RPTOR: variants seen among roughly 807,000 people sequenced by gnomAD.
RPTOR encodes the protein regulatory associated protein of MTOR complex 1.
In RPTOR, 21 loss-of-function variants were observed where a neutral mutation model predicts 169.9. The observed-to-expected ratio is 0.12, with a 90% CI of 0.09 to 0.18. The LOEUF (loss-of-function observed/expected upper bound fraction) is 0.18, where lower values mean the gene tolerates loss of function less well. Among genes scored for constraint, RPTOR ranks in the 10% least tolerant of loss-of-function variants. The pLI is 1.00. For missense variants in RPTOR, 1,133 were observed against 1,855.9 expected (o/e 0.61, Z 7.16); for synonymous variants, 732 against 753.2 (o/e 0.97, Z 0.46).
chr17:80,787,386 C>T (rs1378175562), intron 6 of RPTOR, among the ~76,000 whole-genome samples: 4 of 152,214 alleles, frequency 2.6e-5, no homozygotes, highest in Admixed American at 2.0e-4. Context: ...CCTTAATGGA[C>T]ACTTGAGCTT....
chr17:80,845,968 C>T lies in RPTOR; in HGVS notation c.1213-505C>T, dbSNP rs555031938. Among the ~76,000 whole-genome samples the T allele has an allele frequency of 3.3e-5, 5 of 152,214 alleles. No individual in the cohort carries two copies. The highest frequency in any genetic ancestry group is 7.2e-5 in the African/African-American group (3 of 41,450). On this transcript the variant is annotated intron_variant, in intron 10 of 33. Coordinates refer to ENST00000306801, the MANE Select transcript of RPTOR (RefSeq NM_020761.3). The surrounding 1 kb of genome is among the most constrained non-coding windows in gnomAD (Gnocchi z 5.4). ...TGCCGGGCCCTCACCGGCCCCAGCGCGGCCCCAGCTCATCTCCTTGGTCTC... is the reference window on the plus strand; with the variant it reads ...TGCCGGGCCCTCACCGGCCCCAGCGTGGCCCCAGCTCATCTCCTTGGTCTC...
At chr17:80,895,488 G>T (rs1317650576) in intron 20 of RPTOR, among the ~76,000 whole-genome samples, 1 of 152,238 alleles carries the variant, frequency 6.6e-6, no homozygotes, top group Non-Finnish European at 1.5e-5. Context: ...CGCACGTGCA[G>T]GAACCCAGCC....
chr17:80,725,369 A>G (rs759326645), intron 4 of RPTOR, among the ~76,000 whole-genome samples: 12 of 152,262 alleles, frequency 7.9e-5, no homozygotes, highest in Non-Finnish European at 1.2e-4. Flanking sequence ...TTTGAAAAGA[A>G]AACATGGCCT....
chr17:80,876,970 G>T, intron 13 of RPTOR, among the ~76,000 whole-genome samples: 1 of 143,346 alleles, frequency 7.0e-6, no homozygotes, highest in Admixed American at 6.9e-5. Flanking sequence ...TCGCCTGCCG[G>T]GTCTTCCACC....
rs1012136737 is a variant in RPTOR, at chr17:80,746,558, T to C, written c.655-7452T>C. Among the ~76,000 whole-genome samples, 2 of 152,290 alleles carry C rather than the reference T, an allele frequency of 1.3e-5. No homozygotes were observed. The highest frequency in any genetic ancestry group is 2.4e-5 in the African/African-American group (1 of 41,574). The stretch of plus-strand genomic sequence containing the variant: ...ATCCTCCAGAAGACTCTGGAGAGCA[T>C]TGGAAGATGAGAGTCTTTCTTGTGT... On this transcript the variant is annotated intron_variant, in intron 5 of 33. Transcript: ENST00000306801. This position sits in a 1 kb window ranked among gnomAD's most constrained non-coding sequence, Gnocchi z 4.5.
chr17:80,902,558 A>T (rs1345483503), intron 20 of RPTOR, among the ~76,000 whole-genome samples: 1 of 152,222 alleles, frequency 6.6e-6, no homozygotes, highest in Non-Finnish European at 1.5e-5. Context: ...ATGTGTGGAC[A>T]CAGGCCTCAC....
intron 25 of RPTOR, chr17:80,945,456 G>A (rs2069090213): frequency 2.6e-6 from 1 of 383,492 alleles, no homozygotes; most frequent in Admixed American, 4.5e-5. Context: ...GCTGGGCATG[G>A]TGGCGGGCAC....
intron 17 of RPTOR, among the ~76,000 whole-genome samples, chr17:80,886,043 C>T (rs1053562474): frequency 5.9e-5 from 9 of 152,274 alleles, no homozygotes; most frequent in African/African-American, 1.9e-4. Context: ...AGCTGGAGCA[C>T]AGAGCTGCTC....
At chr17:80,713,281 A>G (rs1194119917) in intron 4 of RPTOR, among the ~76,000 whole-genome samples, 1 of 152,138 alleles carries the variant, frequency 6.6e-6, no homozygotes, top group African/African-American at 2.4e-5. Context: ...TCTGACCTCA[A>G]GTGATCCACC....
intron 28 of RPTOR, among the ~76,000 whole-genome samples, chr17:80,953,886 C>T (rs955259433): frequency 6.6e-6 from 1 of 152,246 alleles, no homozygotes; most frequent in African/African-American, 2.4e-5. Context: ...AGCAGGGCTG[C>T]AAGTTGAAAG....
chr17:80,784,906 A>G (rs974573997), intron 6 of RPTOR, among the ~76,000 whole-genome samples: 1 of 151,826 alleles, frequency 6.6e-6, no homozygotes. Context: ...TTGTTTATTT[A>G]GTAGAGACAG....
At chr17:80,626,042 TA>T (rs1472546020) in intron 2 of RPTOR, among the ~76,000 whole-genome samples, 1 of 152,200 alleles carries the variant, frequency 6.6e-6, no homozygotes, top group Non-Finnish European at 1.5e-5. Flanking sequence ...TTTTCTACTT[TA>T]TTTTTTTATT....
At chr17:80,566,233 G>T (rs75783504) in intron 1 of RPTOR, among the ~76,000 whole-genome samples, 1,932 of 152,278 alleles carry the variant, frequency 0.013, 54 homozygotes, top group African/African-American at 0.044. Context: ...GGGACTGCTT[G>T]ACTGTAGTTT....
intron 1 of RPTOR, among the ~76,000 whole-genome samples, chr17:80,558,821 G>A (rs772446740): frequency 7.9e-5 from 12 of 152,074 alleles, no homozygotes; most frequent in African/African-American, 1.4e-4. Context: ...ATTATGCCCC[G>A]CCCGTCACCC....
intron 7 of RPTOR, chr17:80,805,490 T>G (rs896197199): frequency 1.1e-4 from 16 of 152,200 alleles, no homozygotes; most frequent in African/African-American, 3.9e-4. Flanking sequence ...TTTCAGCAGC[T>G]TCTCAGGAGA....
intron 1 of RPTOR, among the ~76,000 whole-genome samples, chr17:80,600,027 C>T (rs996775672): frequency 2.6e-5 from 4 of 152,104 alleles, no homozygotes; most frequent in Admixed American, 6.5e-5. Context: ...AAAGGGCTTC[C>T]GGCAAAATGC....
At chr17:80,701,022 G>A (rs897286448) in intron 3 of RPTOR, among the ~76,000 whole-genome samples, 1 of 152,090 alleles carries the variant, frequency 6.6e-6, no homozygotes, top group East Asian at 1.9e-4. Flanking sequence ...GGTGATTCTT[G>A]GGTTTCTGTT....
intron 6 of RPTOR, among the ~76,000 whole-genome samples, chr17:80,764,760 T>TA (rs1186072602): frequency 6.6e-6 from 1 of 152,164 alleles, no homozygotes; most frequent in East Asian, 1.9e-4. Flanking sequence ...ATGGTTGAAC[T>TA]AGTTTACAGT....
intron 13 of RPTOR, among the ~76,000 whole-genome samples, chr17:80,864,125 T>A (rs1470518889): frequency 6.6e-6 from 1 of 152,210 alleles, no homozygotes; most frequent in Admixed American, 6.5e-5. Flanking sequence ...ATGACAATTA[T>A]AAACCCACAG....
Sources: allele counts gnomAD v4.1 joint callset (sites outside exome capture counted in the v4.1 genomes callset), GRCh38; gene constraint gnomAD v4.1.1; non-coding constraint Gnocchi (gnomAD v3.1); transcripts MANE v1.5; gene names NCBI Gene and HGNC (gene_info 2026-07-23, HGNC 2026-07-21).